NFIA: variants seen among roughly 807,000 people sequenced by gnomAD.
NFIA encodes the protein nuclear factor I A, also known as nuclear factor 1 A-type.
A neutral mutation model predicts 62.8 loss-of-function variants in NFIA; 8 were observed. That is an observed-to-expected ratio of 0.13 (90% CI 0.07 to 0.23). The LOEUF (loss-of-function observed/expected upper bound fraction) is 0.23. Among genes scored for constraint, NFIA ranks in the 10% least tolerant of loss-of-function variants. The pLI, the probability that NFIA is intolerant of heterozygous loss-of-function variation, is 1.00. For missense variants in NFIA, 410 were observed against 642.1 expected, an observed-to-expected ratio of 0.64 and a Z score of 3.91; for synonymous variants, 235 against 238.1, an observed-to-expected ratio of 0.99 and a Z score of 0.12.
chr1:61,265,665 A>G (rs1334914543), intron 2 of NFIA, among the ~76,000 whole-genome samples: 4 of 152,250 alleles, frequency 2.6e-5, no homozygotes, highest in African/African-American at 7.2e-5. Flanking sequence ...GAGAAGGTAT[A>G]TCTAAAATAC....
chr1:61,346,680 T>C (rs1009241238), intron 4 of NFIA, among the ~76,000 whole-genome samples: 6 of 152,192 alleles, frequency 3.9e-5, no homozygotes, highest in African/African-American at 1.4e-4. Context: ...TGCATCAATC[T>C]TCTGATTTCC....
At chr1:61,255,906 T>C (rs2100224643) in intron 2 of NFIA, among the ~76,000 whole-genome samples, 1 of 152,322 alleles carries the variant, frequency 6.6e-6, no homozygotes, top group African/African-American at 2.4e-5. Context: ...AAGCTTCCCA[T>C]GTCAACTAAT....
intron 5 of NFIA, among the ~76,000 whole-genome samples, chr1:61,356,074 G>T (rs1361446953): frequency 1.3e-5 from 2 of 152,234 alleles, no homozygotes; most frequent in African/African-American, 4.8e-5. Flanking sequence ...GGACAATGGA[G>T]TTGGCCTTTG....
intron 2 of NFIA, among the ~76,000 whole-genome samples, chr1:61,209,809 G>A (rs543549420): frequency 4.9e-4 from 74 of 151,922 alleles, no homozygotes; most frequent in African/African-American, 1.8e-3. Context: ...CAGAGATTGC[G>A]GCCACTGCAC....
At chr1:61,285,577 C>T (rs1292308581) in intron 3 of NFIA, among the ~76,000 whole-genome samples, 1 of 152,096 alleles carries the variant, frequency 6.6e-6, no homozygotes, top group Non-Finnish European at 1.5e-5. Context: ...TTCTTTTTCT[C>T]TTCTTCAGGT....
intron 7 of NFIA, among the ~76,000 whole-genome samples, chr1:61,394,322 C>T (rs1260315176): frequency 3.3e-5 from 5 of 152,088 alleles, no homozygotes; most frequent in South Asian, 4.1e-4. Context: ...TACAGGTACA[C>T]GCCACCATGC....
At chr1:61,151,054 C>A (rs1648363589) in intron 2 of NFIA, among the ~76,000 whole-genome samples, 1 of 152,198 alleles carries the variant, frequency 6.6e-6, no homozygotes, top group Non-Finnish European at 1.5e-5. Flanking sequence ...ATTTCTCTAT[C>A]ATGTTTCTTT....
intron 2 of NFIA, among the ~76,000 whole-genome samples, chr1:61,221,889 T>C: frequency 6.6e-6 from 1 of 152,136 alleles, no homozygotes; most frequent in Non-Finnish European, 1.5e-5. Flanking sequence ...TAAAGGCAGA[T>C]AATGATTCGG....
At chr1:61,262,863 T>C (rs968959106) in intron 2 of NFIA, among the ~76,000 whole-genome samples, 1 of 152,196 alleles carries the variant, frequency 6.6e-6, no homozygotes, top group African/African-American at 2.4e-5. Context: ...TTTCATCCCT[T>C]CTTTCACCTC....
intron 2 of NFIA, among the ~76,000 whole-genome samples, chr1:61,170,224 C>T (rs1267150270): frequency 1.3e-5 from 2 of 152,150 alleles, no homozygotes; most frequent in Non-Finnish European, 2.9e-5. Context: ...CCAAAGGCAT[C>T]CTTGACCCCA....
At chr1:61,435,923 T>C (rs1260090994) in intron 10 of NFIA, among the ~76,000 whole-genome samples, 1 of 152,212 alleles carries the variant, frequency 6.6e-6, no homozygotes, top group African/African-American at 2.4e-5. Context: ...CTTATTATTC[T>C]GCCTTTCCTC....
intron 2 of NFIA, among the ~76,000 whole-genome samples, chr1:61,212,463 G>A (rs1021219123): frequency 2.5e-4 from 38 of 152,016 alleles, no homozygotes; most frequent in African/African-American, 8.7e-4. Flanking sequence ...CAGATAATGT[G>A]GTAAGGACTT....
chr1:61,091,770 C>T (rs1646324824), intron 2 of NFIA, among the ~76,000 whole-genome samples: 1 of 152,024 alleles, frequency 6.6e-6, no homozygotes, highest in Non-Finnish European at 1.5e-5. Context: ...ACCTTAGCCA[C>T]CAGGCATTTG....
chr1:61,213,245 C>G (rs1305478935), intron 2 of NFIA, among the ~76,000 whole-genome samples: 1 of 152,140 alleles, frequency 6.6e-6, no homozygotes, highest in Non-Finnish European at 1.5e-5. Flanking sequence ...TTAGAAGTTC[C>G]TGGTGGGCAG....
At position 61,295,331 on chromosome 1, in the gene NFIA, G is replaced by A. The variant is rs529742128; in HGVS notation, c.625+17746G>A. 6.6e-5 allele frequency among the ~76,000 whole-genome samples: 10 copies of A among 152,246 alleles called. No homozygotes were observed. In the East Asian group the frequency reaches 1.4e-3, roughly 21 times the overall value. On this transcript the variant is annotated intron_variant, in intron 3 of 10. Coordinates refer to ENST00000403491, the MANE Select transcript of NFIA (RefSeq NM_001134673.4). ...CCAGAGTAAACTAGGAGTGGGCTCC[G>A]GGTTAGAGTTGAAGCAAGAACCTGT...
intron 6 of NFIA, among the ~76,000 whole-genome samples, chr1:61,373,852 A>G (rs1664023911): frequency 6.6e-6 from 1 of 152,068 alleles, no homozygotes; most frequent in African/African-American, 2.4e-5. Context: ...AGGTTTATCT[A>G]CTGTTGTACA....
intron 2 of NFIA, among the ~76,000 whole-genome samples, chr1:61,198,660 G>A (rs751069981): frequency 2.6e-5 from 4 of 152,264 alleles, no homozygotes; most frequent in Middle Eastern, 3.4e-3. Context: ...GTATGCGACC[G>A]GAAGGCAGTG....
chr1:61,106,215 C>T (rs1335281256), intron 2 of NFIA, among the ~76,000 whole-genome samples: 1 of 151,622 alleles, frequency 6.6e-6, no homozygotes, highest in East Asian at 1.9e-4. Flanking sequence ...TATATTACAG[C>T]ACAGCTATTT....
intron 9 of NFIA, among the ~76,000 whole-genome samples, chr1:61,417,294 C>T (rs1338542526): frequency 7.8e-6 from 1 of 128,012 alleles, no homozygotes; most frequent in Non-Finnish European, 1.7e-5. Flanking sequence ...TGTGTGTATA[C>T]ACATATAAGA....
Sources: gnomAD v4.1 joint callset for allele counts (sites outside exome capture counted in the v4.1 genomes callset) on GRCh38, gnomAD v4.1.1 for gene constraint, MANE v1.5 for transcripts, NCBI Gene and HGNC (gene_info 2026-07-23, HGNC 2026-07-21) for gene names.